The following CTNNBL1 variants were observed in gnomAD, a reference collection of about 807,000 sequenced individuals.
CTNNBL1 encodes the protein catenin beta like 1.
Under a neutral mutation model 72.7 loss-of-function variants are expected in CTNNBL1, and 31 were observed. The ratio of observed to expected loss-of-function variants is 0.43; its 90% CI spans 0.32 to 0.58. CTNNBL1 has a LOEUF of 0.58. Ranked by LOEUF, CTNNBL1 falls within the 20% of genes least tolerant of loss-of-function variation. The pLI is 0.08. For synonymous variants in CTNNBL1, 240 were observed against 267.3 expected, an observed-to-expected ratio of 0.90 and a Z score of 1.00; for missense variants, 534 against 725.1, an observed-to-expected ratio of 0.74 and a Z score of 3.03.
At chr20:37,710,727 GC>G (rs1481606556) in intron 1 of CTNNBL1, among the ~76,000 whole-genome samples, 10 of 152,100 alleles carry the variant, frequency 6.6e-5, no homozygotes, top group African/African-American at 1.9e-4. Context: ...CTGGAAGGTA[GC>G]CATTTACCTG....
intron 3 of CTNNBL1, among the ~76,000 whole-genome samples, chr20:37,738,743 A>T (rs2073190241): frequency 6.6e-6 from 1 of 152,242 alleles, no homozygotes; most frequent in African/African-American, 2.4e-5. Context: ...TGAGGGTGTC[A>T]CAGAAAAGAT....
intron 12 of CTNNBL1, among the ~76,000 whole-genome samples, chr20:37,840,465 AG>A (rs1387554782): frequency 6.6e-6 from 1 of 152,242 alleles, no homozygotes; most frequent in Non-Finnish European, 1.5e-5. Flanking sequence ...GGATTAGACT[AG>A]GATTTTTGTT....
chr20:37,845,217 C>G (rs1221412533), intron 13 of CTNNBL1, among the ~76,000 whole-genome samples: 1 of 152,188 alleles, frequency 6.6e-6, no homozygotes, highest in East Asian at 1.9e-4. Flanking sequence ...ATTTGAGGTG[C>G]AGCTTAGACT....
intron 15 of CTNNBL1, among the ~76,000 whole-genome samples, chr20:37,863,619 A>C (rs2072510759): frequency 6.6e-6 from 1 of 152,154 alleles, no homozygotes; most frequent in Non-Finnish European, 1.5e-5. Flanking sequence ...AGGGAGGCCA[A>C]GAAGAGGTGC....
chr20:37,859,217 C>G (rs769994488), intron 13 of CTNNBL1, among the ~76,000 whole-genome samples: 5 of 151,868 alleles, frequency 3.3e-5, no homozygotes, highest in Non-Finnish European at 7.4e-5. Context: ...ATTAGCTGGG[C>G]GTGGTGGCAC....
chr20:37,838,656 G>A (rs955560229), intron 11 of CTNNBL1, among the ~76,000 whole-genome samples: 1 of 152,214 alleles, frequency 6.6e-6, no homozygotes, highest in Non-Finnish European at 1.5e-5. Context: ...GGAAGGCCAA[G>A]GCAGGTGGAT....
intron 13 of CTNNBL1, among the ~76,000 whole-genome samples, chr20:37,853,966 GA>G (rs1424850909): frequency 6.6e-6 from 1 of 152,338 alleles, no homozygotes; most frequent in East Asian, 1.9e-4. Flanking sequence ...TTCATCTTCA[GA>G]AGCCAATCTC....
intron 11 of CTNNBL1, among the ~76,000 whole-genome samples, chr20:37,821,225 A>G (rs2072104453): frequency 6.6e-6 from 1 of 152,042 alleles, no homozygotes; most frequent in Non-Finnish European, 1.5e-5. Context: ...CTGTTCTGAG[A>G]CTGCTTCCTT....
chr20:37,805,388 T>G (rs1450467394), intron 11 of CTNNBL1, among the ~76,000 whole-genome samples: 1 of 147,966 alleles, frequency 6.8e-6, no homozygotes, highest in Non-Finnish European at 1.5e-5. Flanking sequence ...TCCTTAGTTT[T>G]GTTTTTTGTT....
chr20:37,694,150 C>G lies in CTNNBL1; in HGVS notation c.28C>G (p.Gln10Glu). Residue 10 changes from glutamine (Q) to glutamate (E), a missense_variant and splice_region_variant, in exon 1 of 16, where the codon CAG becomes GAG. Gln to Glu is a conservative substitution (Grantham distance 29). Transcript: ENST00000361383. ...GGACGTGGGCGAACTTCTGAGCTACCAGGTATGAGGGGCAGGGAGGGCCGA... is the reference window on the plus strand; with the variant it reads ...GGACGTGGGCGAACTTCTGAGCTACGAGGTATGAGGGGCAGGGAGGGCCGA... Reference protein sequence around the residue: MDVGELLSYQPNRGTKRPRD... With the variant: MDVGELLSYEPNRGTKRPRD... 6.2e-7 allele frequency: 1 copy of G among 1,600,146 alleles called. No homozygotes were observed. The highest frequency in any genetic ancestry group is 8.5e-7 in the Non-Finnish European group (1 of 1,174,200).
chr20:37,777,818 A>G, intron 9 of CTNNBL1, 106 bp downstream of exon 9: 1 of 1,144,588 alleles, frequency 8.7e-7, no homozygotes. Context: ...GCTGCAAGCC[A>G]TATGGAGCAT....
At chr20:37,829,113 G>A (rs1032556745) in intron 11 of CTNNBL1, among the ~76,000 whole-genome samples, 15 of 152,144 alleles carry the variant, frequency 9.9e-5, no homozygotes, top group African/African-American at 3.6e-4. Flanking sequence ...CATCTGGGGG[G>A]CAGGGGGCAG....
intron 11 of CTNNBL1, among the ~76,000 whole-genome samples, chr20:37,820,960 T>C (rs1036357930): frequency 2.3e-4 from 35 of 152,206 alleles, no homozygotes; most frequent in African/African-American, 8.2e-4. Context: ...ATCTAGACTT[T>C]TGCATGACAG....
intron 7 of CTNNBL1, among the ~76,000 whole-genome samples, chr20:37,774,838 A>G (rs979999162): frequency 6.6e-6 from 1 of 152,254 alleles, no homozygotes; most frequent in Non-Finnish European, 1.5e-5. Context: ...TGTGTTAGGT[A>G]CTTTCATATT....
intron 1 of CTNNBL1, among the ~76,000 whole-genome samples, chr20:37,706,253 T>C (rs753473504): frequency 6.6e-6 from 1 of 152,210 alleles, no homozygotes; most frequent in Non-Finnish European, 1.5e-5. Context: ...AACGATGAAG[T>C]CTGCTCCATC....
At chr20:37,855,504 A>G (rs1355238208) in intron 13 of CTNNBL1, among the ~76,000 whole-genome samples, 6 of 152,252 alleles carry the variant, frequency 3.9e-5, no homozygotes, top group African/African-American at 1.4e-4. Context: ...CACCTGGCAC[A>G]GTTAGCTGTT....
At chr20:37,707,364 T>C (rs912363369) in intron 1 of CTNNBL1, among the ~76,000 whole-genome samples, 2 of 152,250 alleles carry the variant, frequency 1.3e-5, no homozygotes, top group Non-Finnish European at 2.9e-5. Context: ...TCAATGATCT[T>C]AGCTAATTCT....
At chr20:37,848,964 A>G (rs1775025471) in intron 13 of CTNNBL1, among the ~76,000 whole-genome samples, 2 of 152,136 alleles carry the variant, frequency 1.3e-5, no homozygotes, top group African/African-American at 4.8e-5. Flanking sequence ...CTAGCCCTGT[A>G]TAATCTCTTC....
intron 15 of CTNNBL1, among the ~76,000 whole-genome samples, chr20:37,863,421 A>G (rs1600537431): frequency 6.6e-6 from 1 of 152,300 alleles, no homozygotes; most frequent in Middle Eastern, 3.4e-3. Flanking sequence ...AGAACGTGCT[A>G]AGCACCCGTC....
Sources: gnomAD v4.1 joint callset for allele counts (sites outside exome capture counted in the v4.1 genomes callset) on GRCh38, gnomAD v4.1.1 for gene constraint, MANE v1.5 for transcripts, NCBI Gene and HGNC (gene_info 2026-07-23, HGNC 2026-07-21) for gene names.